GFOD1: variants seen among roughly 807,000 people sequenced by gnomAD.
GFOD1 encodes glucose-fructose oxidoreductase domain-containing protein 1.
Under a neutral mutation model 25.4 loss-of-function variants are expected in GFOD1, and 9 were observed. The observed-to-expected ratio is 0.35, with a 90% CI of 0.21 to 0.62. GFOD1 has a LOEUF of 0.62. GFOD1 is among the 20% of genes least tolerant of loss of function. The probability of loss-of-function intolerance (pLI) is 0.72; values close to 1 mark genes in which losing one functional copy is unlikely to be tolerated. For missense variants in GFOD1, 403 were observed against 556.9 expected, an observed-to-expected ratio of 0.72 and a Z score of 2.78; for synonymous variants, 253 against 245.6, an observed-to-expected ratio of 1.03 and a Z score of -0.28.
chr6:13,462,837 T>C (rs1299860008), intron 1 of GFOD1, among the ~76,000 whole-genome samples: 1 of 152,184 alleles, frequency 6.6e-6, no homozygotes, highest in African/African-American at 2.4e-5. Context: ...TGCACCAAAC[T>C]GCCACTGTCA....
intron 1 of GFOD1, among the ~76,000 whole-genome samples, chr6:13,419,605 C>G (rs1032765842): frequency 2.0e-5 from 3 of 152,146 alleles, no homozygotes; most frequent in African/African-American, 7.2e-5. Flanking sequence ...GATGTAGAAC[C>G]CCGAGTCAGT....
intron 1 of GFOD1, among the ~76,000 whole-genome samples, chr6:13,392,057 G>T (rs368231727): frequency 6.6e-6 from 1 of 152,154 alleles, no homozygotes; most frequent in South Asian, 2.1e-4. Context: ...CCCACTCCCT[G>T]TTGCCACACT....
intron 1 of GFOD1, among the ~76,000 whole-genome samples, chr6:13,370,981 G>C (rs1307800289): frequency 6.6e-6 from 1 of 152,162 alleles, no homozygotes; most frequent in Non-Finnish European, 1.5e-5. Context: ...ACAGGTATTT[G>C]ATCTTCTCAT....
chr6:13,409,132 A>T (rs1018445282), intron 1 of GFOD1, among the ~76,000 whole-genome samples: 1 of 44,096 alleles, frequency 2.3e-5, no homozygotes, highest in Non-Finnish European at 7.0e-5. Flanking sequence ...AAAGAAAGAA[A>T]GAAAGAAAGA....
intron 1 of GFOD1, among the ~76,000 whole-genome samples, chr6:13,455,953 G>A (rs2127574595): frequency 6.6e-6 from 1 of 152,320 alleles, no homozygotes; most frequent in East Asian, 1.9e-4. Context: ...CTTGACTGCT[G>A]TTTATTCAGA....
At chr6:13,370,693 G>C (rs1022663905) in intron 1 of GFOD1, among the ~76,000 whole-genome samples, 2 of 139,366 alleles carry the variant, frequency 1.4e-5, no homozygotes, top group African/African-American at 5.4e-5. Flanking sequence ...GACACTGTGT[G>C]TGTGTGTATA....
At chr6:13,444,507 A>T (rs189367599) in intron 1 of GFOD1, among the ~76,000 whole-genome samples, 3 of 152,084 alleles carry the variant, frequency 2.0e-5, no homozygotes, top group Non-Finnish European at 4.4e-5. Context: ...CTCCTGTTAA[A>T]AAAAAAAGAA....
chr6:13,424,627 T>C (rs764485712), intron 1 of GFOD1, among the ~76,000 whole-genome samples: 20 of 152,250 alleles, frequency 1.3e-4, no homozygotes, highest in Non-Finnish European at 1.5e-5. Flanking sequence ...ATCATTATTT[T>C]GTTTTAAGAA....
intron 1 of GFOD1, among the ~76,000 whole-genome samples, chr6:13,466,961 C>A (rs1483288710): frequency 6.6e-6 from 1 of 152,132 alleles, no homozygotes; most frequent in Admixed American, 6.6e-5. Context: ...CACACGTATA[C>A]ATACACACAC....
chr6:13,449,959 C>G (rs1031845543), intron 1 of GFOD1, among the ~76,000 whole-genome samples: 2 of 152,222 alleles, frequency 1.3e-5, no homozygotes, highest in Non-Finnish European at 2.9e-5. Flanking sequence ...ATAAGACTAA[C>G]TGGCTTTCCT....
At chr6:13,423,952 G>A (rs62385763) in intron 1 of GFOD1, among the ~76,000 whole-genome samples, 35,952 of 152,014 alleles carry the variant, frequency 0.24, 4,331 homozygotes, top group Middle Eastern at 0.34. Flanking sequence ...TCTGCCTCCT[G>A]GGTTCAAGTG....
At position 13,421,691 on chromosome 6, in the gene GFOD1, G is replaced by GA. The variant is rs374057569; in HGVS notation, c.254-56030dup. 1.8e-3 allele frequency among the ~76,000 whole-genome samples: 264 copies of GA among 147,488 alleles called. 4 individuals are homozygous for GA. Among genetic ancestry groups the GA allele is most frequent in the Middle Eastern group, 6.8e-3 (2 of 294 alleles). ...TTAGCCTTCCCTCCCAGAGGCAAGT[G>GA]AAAAAAAAAACCTTCTGTAATTCGA... is the stretch of plus-strand genomic sequence containing the variant. On this transcript the variant is annotated intron_variant, in intron 1 of 1. Transcript: ENST00000379287.
chr6:13,373,770 A>T lies in GFOD1; in HGVS notation c.254-8108T>A, dbSNP rs559578993. Among the ~76,000 whole-genome samples the T allele has an allele frequency of 1.1e-4, 14 of 129,268 alleles. No individual in the cohort carries two copies. In the East Asian group the frequency reaches 2.8e-3, roughly 26 times the overall value. 84.8% of individuals were successfully genotyped at this position (129,268 alleles called of 152,430 possible). A position where few individuals can be genotyped will look rare whatever the true frequency, so the allele number is the denominator to read the frequency against. On this transcript the variant is annotated intron_variant, in intron 1 of 1. Coordinates refer to ENST00000379287, the MANE Select transcript of GFOD1 (RefSeq NM_018988.4). Reference sequence around the variant, plus strand: ...CACACACACACACACACACACACACACACTACGCTTTTTTTTTTTTTTTGA... The same window carrying T: ...CACACACACACACACACACACACACTCACTACGCTTTTTTTTTTTTTTTGA...
In GFOD1 at chr6:13,365,880, A is replaced by G. The variant is rs1785035499; in HGVS notation, c.254-218T>C. On this transcript the variant is annotated intron_variant, in intron 1 of 1. Transcript: ENST00000379287. The surrounding 1 kb of genome is among the most constrained non-coding windows in gnomAD (Gnocchi z 9.2). ...GGTAACACAGAGAGATCCTGTCTCA[A>G]TAATAATAATAATAATAATAATAAT... Among the ~76,000 whole-genome samples, 1 of 32,852 alleles carries G rather than the reference A, an allele frequency of 3.0e-5. No individual in the cohort carries two copies. The highest frequency in any genetic ancestry group is 9.1e-5 in the Non-Finnish European group (1 of 10,994). The allele number at this position is 32,852 out of a possible 152,430, so 21.6% of individuals were successfully genotyped here.
intron 1 of GFOD1, among the ~76,000 whole-genome samples, chr6:13,366,474 T>C (rs1489023880): frequency 6.6e-6 from 1 of 152,212 alleles, no homozygotes; most frequent in Non-Finnish European, 1.5e-5. Flanking sequence ...TAGTTGAGAT[T>C]ACAGGCGCCC....
intron 1 of GFOD1, among the ~76,000 whole-genome samples, chr6:13,477,757 A>T (rs74964043): frequency 0.14 from 20,703 of 152,154 alleles, 1,433 homozygotes; most frequent in Middle Eastern, 0.16. Context: ...TGTATTTCAC[A>T]AAGTGGATAA....
At chr6:13,402,043 C>G (rs192322673) in intron 1 of GFOD1, among the ~76,000 whole-genome samples, 1 of 152,138 alleles carries the variant, frequency 6.6e-6, no homozygotes, top group Non-Finnish European at 1.5e-5. Flanking sequence ...TTTTATCTTA[C>G]GATCAACAGA....
intron 1 of GFOD1, among the ~76,000 whole-genome samples, chr6:13,425,304 T>C (rs981145641): frequency 6.6e-6 from 1 of 152,118 alleles, no homozygotes; most frequent in Non-Finnish European, 1.5e-5. Flanking sequence ...TAGTTACCAT[T>C]GTTGCCACCA....
At chr6:13,472,751 C>A (rs939228501) in intron 1 of GFOD1, among the ~76,000 whole-genome samples, 4 of 152,226 alleles carry the variant, frequency 2.6e-5, no homozygotes, top group African/African-American at 9.6e-5. Context: ...AGAATGACAT[C>A]AAATTAGCCA....
Sources: allele counts gnomAD v4.1 joint callset (sites outside exome capture counted in the v4.1 genomes callset), GRCh38; gene constraint gnomAD v4.1.1; non-coding constraint Gnocchi (gnomAD v3.1); transcripts MANE v1.5; gene names NCBI Gene and HGNC (gene_info 2026-07-23, HGNC 2026-07-21).